MTHFD2L: variants seen among roughly 807,000 people sequenced by gnomAD.
The protein encoded by MTHFD2L is bifunctional methylenetetrahydrofolate dehydrogenase/cyclohydrolase 2, mitochondrial.
Under a neutral mutation model 34.9 loss-of-function variants are expected in MTHFD2L, and 29 were observed. That is an observed-to-expected ratio of 0.83 (90% CI 0.62 to 1.13). The LOEUF is 1.13. Ranked by LOEUF, MTHFD2L falls within the 50% of genes most tolerant of loss-of-function variation. The pLI is 0.00. For missense variants in MTHFD2L, 481 were observed against 446.5 expected (o/e 1.08, Z -0.70); for synonymous variants, 167 against 155.7 (o/e 1.07, Z -0.54).
intron 1 of MTHFD2L, among the ~76,000 whole-genome samples, chr4:74,159,073 G>C (rs577828943): frequency 1.8e-4 from 28 of 152,254 alleles, no homozygotes; most frequent in Non-Finnish European, 2.6e-4. Flanking sequence ...TCGAGTTTTT[G>C]TATCCGCCAG....
intron 5 of MTHFD2L, among the ~76,000 whole-genome samples, chr4:74,209,297 C>T (rs1172254473): frequency 6.6e-6 from 1 of 152,150 alleles, no homozygotes. Flanking sequence ...CACCCATCAA[C>T]CTGTCATCTA....
chr4:74,287,566 G>GTGT, intron 7 of MTHFD2L, among the ~76,000 whole-genome samples: 1 of 152,250 alleles, frequency 6.6e-6, no homozygotes, highest in East Asian at 1.9e-4. Context: ...GGCCAATGTG[G>GTGT]TGAAACCCCG....
At chr4:74,294,925 T>C (rs1393483376) in intron 7 of MTHFD2L, among the ~76,000 whole-genome samples, 1 of 152,070 alleles carries the variant, frequency 6.6e-6, no homozygotes, top group Non-Finnish European at 1.5e-5. Flanking sequence ...TCTTGAGTAA[T>C]GATTTACTGG....
At chr4:74,280,178 G>A (rs1327776047) in intron 6 of MTHFD2L, 3 of 152,130 alleles carry the variant, frequency 2.0e-5, no homozygotes, top group East Asian at 3.8e-4. Context: ...CCATTGAGAA[G>A]TGGAGTCTCT....
intron 6 of MTHFD2L, among the ~76,000 whole-genome samples, chr4:74,249,106 G>A (rs562486819): frequency 6.6e-6 from 1 of 152,116 alleles, no homozygotes; most frequent in East Asian, 1.9e-4. Flanking sequence ...TTATTAATGT[G>A]TGGGAGTCTA....
chr4:74,258,099 G>A (rs1157428276), intron 6 of MTHFD2L, among the ~76,000 whole-genome samples: 3 of 152,116 alleles, frequency 2.0e-5, no homozygotes, highest in African/African-American at 7.2e-5. Context: ...TAGCAAGGAT[G>A]TGGAGAAAAG....
chr4:74,158,081 G>C (rs536918980), upstream of MTHFD2L: 4 of 1,531,792 alleles, frequency 2.6e-6, no homozygotes, highest in African/African-American at 4.1e-5. Context: ...GCCTCCAGCC[G>C]CGAGGACTGG....
intron 5 of MTHFD2L, among the ~76,000 whole-genome samples, chr4:74,212,445 T>A (rs991259469): frequency 6.6e-6 from 1 of 152,184 alleles, no homozygotes. Flanking sequence ...CTTTATTTCG[T>A]TATTTACCCA....
intron 1 of MTHFD2L, among the ~76,000 whole-genome samples, chr4:74,144,912 G>GT (rs1333619678): frequency 6.6e-6 from 1 of 152,144 alleles, no homozygotes; most frequent in African/African-American, 2.4e-5. Context: ...TGAATTAATA[G>GT]TAAGTGCTGT....
intron 1 of MTHFD2L, among the ~76,000 whole-genome samples, chr4:74,147,968 C>A (rs1204096499): frequency 6.6e-6 from 1 of 151,934 alleles, no homozygotes; most frequent in Non-Finnish European, 1.5e-5. Flanking sequence ...ATTGCTTTTT[C>A]ACTCTGTTGA....
chr4:74,256,674 A>G (rs1003540003), intron 6 of MTHFD2L, among the ~76,000 whole-genome samples: 3 of 152,168 alleles, frequency 2.0e-5, no homozygotes, highest in African/African-American at 4.8e-5. Context: ...ATTTTTGTCA[A>G]TGGGGACACC....
intron 1 of MTHFD2L, among the ~76,000 whole-genome samples, chr4:74,138,967 T>A (rs1474185825): frequency 6.6e-6 from 1 of 152,156 alleles, no homozygotes; most frequent in African/African-American, 2.4e-5. Flanking sequence ...ATTGGTTGAG[T>A]GTGAGCTGAG....
rs1029172127 is a variant in MTHFD2L, at chr4:74,301,888, C to T, written c.*79C>T. ...AGGGTAAAACCTTTATATTTTACTA[C>T]AAAGCTATTTATTTCTACATGGTAT... On this transcript the variant is annotated 3_prime_UTR_variant, in exon 8 of 8. Coordinates refer to ENST00000325278, the MANE Select transcript of MTHFD2L (RefSeq NM_001144978.3). 5 of 721,982 alleles carry T rather than the reference C, an allele frequency of 6.9e-6. No homozygotes were observed. In the African/African-American group the frequency reaches 9.1e-5, roughly 13 times the overall value. The allele number at this position is 721,982 out of a possible 1,614,324, so 44.7% of individuals were successfully genotyped here. A position where few individuals can be genotyped will look rare whatever the true frequency, so the allele number is the denominator to read the frequency against.
intron 7 of MTHFD2L, chr4:74,288,553 C>T (rs1366515290): frequency 6.6e-6 from 1 of 152,196 alleles, no homozygotes; most frequent in Admixed American, 6.5e-5. Context: ...TATCTAACAT[C>T]CACATATCAT....
chr4:74,188,622 A>G (rs185700957), intron 3 of MTHFD2L, among the ~76,000 whole-genome samples: 7 of 151,916 alleles, frequency 4.6e-5, no homozygotes, highest in Admixed American at 4.6e-4. Flanking sequence ...AGTAGGAGGA[A>G]AGTTTTCAGA....
intron 6 of MTHFD2L, among the ~76,000 whole-genome samples, chr4:74,255,225 G>C (rs888366768): frequency 2.0e-5 from 3 of 151,722 alleles, no homozygotes; most frequent in Non-Finnish European, 2.9e-5. Context: ...CATAATTTGT[G>C]GGGGAAGGAG....
chr4:74,237,357 G>A (rs1056213910), intron 6 of MTHFD2L, among the ~76,000 whole-genome samples: 2 of 152,096 alleles, frequency 1.3e-5, no homozygotes, highest in Non-Finnish European at 2.9e-5. Context: ...TAGAAGTCAA[G>A]TGCTTAACCG....
chr4:74,138,420 G>A (rs1003230160), intron 1 of MTHFD2L, among the ~76,000 whole-genome samples: 1 of 152,108 alleles, frequency 6.6e-6, no homozygotes, highest in African/African-American at 2.4e-5. Flanking sequence ...TTGGCCTCAC[G>A]GATTCCAAGG....
intron 5 of MTHFD2L, among the ~76,000 whole-genome samples, chr4:74,215,380 G>T (rs532915906): frequency 2.0e-5 from 3 of 151,828 alleles, no homozygotes; most frequent in Non-Finnish European, 2.9e-5. Flanking sequence ...TGGGAAAAGC[G>T]TAGTATCTGG....
Sources: gnomAD v4.1 joint callset for allele counts (sites outside exome capture counted in the v4.1 genomes callset) on GRCh38, gnomAD v4.1.1 for gene constraint, MANE v1.5 for transcripts, NCBI Gene and HGNC (gene_info 2026-07-23, HGNC 2026-07-21) for gene names.